The following FIBIN variants were observed in gnomAD, a reference collection of about 807,000 sequenced individuals.
FIBIN encodes fin bud initiation factor homolog, also known as fin bud initiation factor homolog (zebrafish).
In FIBIN, 8 loss-of-function variants were observed where a neutral mutation model predicts 13.0. That is an observed-to-expected ratio of 0.62 (90% CI 0.36 to 1.11). The LOEUF is 1.11. Among genes scored for constraint, FIBIN ranks in the 50% most tolerant of loss-of-function variants. The probability of loss-of-function intolerance (pLI) is 0.02; values close to 1 mark genes in which losing one functional copy is unlikely to be tolerated. For missense variants in FIBIN, 261 were observed against 260.2 expected (o/e 1.00, Z -0.02); for synonymous variants, 127 against 114.7 (o/e 1.11, Z -0.69).
chr11:26,994,807 C>T lies in FIBIN; in HGVS notation c.281C>T (p.Ala94Val), dbSNP rs746514366. Reference protein sequence around the residue: ...FTVLGRQVEDAGRVLEGISKS... With the variant: ...FTVLGRQVEDVGRVLEGISKS... Reference sequence around the variant, plus strand: ...GTGCTGGGCCGCCAGGTGGAGGATGCTGGGCGCGTGCTGGAGGGCATCAGC... The same window carrying T: ...GTGCTGGGCCGCCAGGTGGAGGATGTTGGGCGCGTGCTGGAGGGCATCAGC... The change falls in exon 1 of 1, where the codon GCT becomes GTT. Residue 94 changes from alanine (A) to valine (V), a missense_variant. Ala to Val is a moderately conservative substitution (Grantham distance 64). Transcript: ENST00000318627. The T allele has an allele frequency of 2.5e-6, 4 of 1,605,764 alleles. No homozygotes were observed. The East Asian group carries it at 6.7e-5, about 27-fold the overall frequency.
rs1850939575 is a variant in FIBIN, at chr11:26,997,054, A to G, written c.*1892A>G. ...CTGAAAAAATGAGGAAAAAATAACA[A>G]CAGTGGCAAATAAAATCATATTTGG... is the stretch of plus-strand genomic sequence containing the variant. On this transcript the variant is annotated 3_prime_UTR_variant, in exon 1 of 1. Transcript: ENST00000318627. 6.6e-6 allele frequency among the ~76,000 whole-genome samples: 1 copy of G among 152,192 alleles called. No homozygotes were observed. The highest frequency in any genetic ancestry group is 6.5e-5 in the Admixed American group (1 of 15,286).
At position 26,996,722 on chromosome 11, in the gene FIBIN, ACTGT is replaced by A. The variant is rs1218444472; in HGVS notation, c.*1563_*1566del. ...GAAAATAAGTTTTCCATTCCTATGA[ACTGT>A]CTAATATCTTTCTATTACAGAAGGG... On this transcript the variant is annotated 3_prime_UTR_variant, in exon 1 of 1. Coordinates refer to ENST00000318627, the MANE Select transcript of FIBIN (RefSeq NM_203371.2). Among the ~76,000 whole-genome samples the A allele has an allele frequency of 2.0e-5, 3 of 152,284 alleles. No individual in the cohort carries two copies. The highest frequency in any genetic ancestry group is 1.3e-4 in the Admixed American group (2 of 15,294).
rs775822865 is a variant in FIBIN at position 26,995,133 on chromosome 11, C to A, written c.607C>A (p.Arg203=). 6.2e-7 allele frequency: 1 copy of A among 1,604,310 alleles called. No individual in the cohort carries two copies. Among genetic ancestry groups the A allele is most frequent in the Admixed American group, 1.7e-5 (1 of 57,364 alleles). ...TIRSHGTRLG[R]LKNDYLKV ...TAGGAGCCATGGGACCCGACTAGGT[C>A]GGCTGAAAAATGATTATCTTAAAGT... Residue 203 remains arginine (R), a synonymous_variant, in exon 1 of 1, where the codon CGG becomes AGG. Coordinates refer to ENST00000318627, the MANE Select transcript of FIBIN (RefSeq NM_203371.2).
At position 26,995,083 on chromosome 11, in the gene FIBIN, A is replaced by G; in HGVS notation, c.557A>G (p.Lys186Arg). 6.2e-7 allele frequency: 1 copy of G among 1,614,066 alleles called. No individual in the cohort carries two copies. Among genetic ancestry groups the G allele is most frequent in the South Asian group, 1.1e-5 (1 of 91,076 alleles). The change falls in exon 1 of 1, where the codon AAA becomes AGA. Residue 186 changes from lysine (K) to arginine (R), a missense_variant. Coordinates refer to ENST00000318627, the MANE Select transcript of FIBIN (RefSeq NM_203371.2). The stretch of plus-strand genomic sequence containing the variant: ...GACATCTCTGTGGGGCTCAGGGACA[A>G]ATACGAGCTGCTGGCCCTCACCATT... Reference protein sequence around the residue: ...TLDISVGLRDKYELLALTIRS... With the variant: ...TLDISVGLRDRYELLALTIRS...
Position 26,994,802 on chromosome 11 carries a change from G to T in FIBIN, c.276G>T (p.Glu92Asp). The T allele has an allele frequency of 6.2e-7, 1 of 1,607,726 alleles. No individual in the cohort carries two copies. The highest frequency in any genetic ancestry group is 2.2e-5 in the East Asian group (1 of 44,762). ...EEFTVLGRQV[E>D]DAGRVLEGIS... Reference sequence around the variant, plus strand: ...TCACCGTGCTGGGCCGCCAGGTGGAGGATGCTGGGCGCGTGCTGGAGGGCA... The same window carrying T: ...TCACCGTGCTGGGCCGCCAGGTGGATGATGCTGGGCGCGTGCTGGAGGGCA... The change falls in exon 1 of 1, where the codon GAG becomes GAT. Residue 92 changes from glutamate (E) to aspartate (D), a missense_variant. Physicochemically the swap from Glu to Asp is conservative, Grantham distance 45 (BLOSUM62 2). Transcript: ENST00000318627.
rs1435631368 is a variant in FIBIN, at chr11:26,994,826, C to T, written c.300C>T (p.Gly100=). 9.4e-6 allele frequency: 15 copies of T among 1,599,092 alleles called. No individual in the cohort carries two copies. The highest frequency in any genetic ancestry group is 1.2e-5 in the Non-Finnish European group (14 of 1,171,420). ...AGGATGCTGGGCGCGTGCTGGAGGG[C>T]ATCAGCAAAAGCATCTCCTACGACC... ...QVEDAGRVLE[G]ISKSISYDLD... is the part of the protein sequence containing the mutation. Residue 100 remains glycine, a synonymous_variant, in exon 1 of 1, where the codon GGC becomes GGT. Coordinates refer to ENST00000318627, the MANE Select transcript of FIBIN (RefSeq NM_203371.2).
At position 26,996,073 on chromosome 11, in the gene FIBIN, C is replaced by T. The variant is rs1564937263; in HGVS notation, c.*911C>T. 6.0e-6 allele frequency: 1 copy of T among 166,830 alleles called. No individual in the cohort carries two copies. The highest frequency in any genetic ancestry group is 2.1e-4 in the South Asian group (1 of 4,828). 10.3% of individuals were successfully genotyped at this position (166,830 alleles called of 1,614,324 possible). A position where few individuals can be genotyped will look rare whatever the true frequency, so the allele number is the denominator to read the frequency against. ...GTAGGGGGAATCCTAATTCTAATAA[C>T]TCCTTAGCTAAGTTTTATTATTCAG... On this transcript the variant is annotated 3_prime_UTR_variant, in exon 1 of 1. Coordinates refer to ENST00000318627, the MANE Select transcript of FIBIN (RefSeq NM_203371.2).
In FIBIN at chr11:26,994,725, G is replaced by A. The variant is rs766304964; in HGVS notation, c.199G>A (p.Gly67Arg). 52 of 1,613,502 alleles carry A rather than the reference G, an allele frequency of 3.2e-5. No individual in the cohort carries two copies. The highest frequency in any genetic ancestry group is 4.2e-5 in the Non-Finnish European group (49 of 1,179,954). The change falls in exon 1 of 1, where the codon GGG (glycine) becomes AGG (arginine). Residue 67 changes from glycine to arginine, a missense_variant. Physicochemically the swap from Gly to Arg is moderately radical, Grantham distance 125. Transcript: ENST00000318627. ...RVSDHRRCSQ[G>R]EGSQVGSLLS... is the part of the protein sequence containing the mutation. ...GAGTGACCACAGGCGCTGCTCCCAG[G>A]GGGAGGGGAGCCAGGTTGGCAGCCT... is the stretch of plus-strand genomic sequence containing the variant.
Position 26,996,869 on chromosome 11 carries a change from TGAGAG to T in FIBIN, c.*1708_*1712del, listed in dbSNP as rs368520270. ...TAATTTTTTTAAGGATACTGAAAAA[TGAGAG>T]AGAGTGGTCGAATGCCTGAAATTTT... On this transcript the variant is annotated 3_prime_UTR_variant, in exon 1 of 1. Coordinates refer to ENST00000318627, the MANE Select transcript of FIBIN (RefSeq NM_203371.2). Among the ~76,000 whole-genome samples, 7 of 152,028 alleles carry T rather than the reference TGAGAG, an allele frequency of 4.6e-5. 1 individual carries two copies. Among genetic ancestry groups the T allele is most frequent in the African/African-American group, 1.7e-4 (7 of 41,386 alleles).
rs1189198998 is a variant in FIBIN at position 26,995,633 on chromosome 11, G to A, written c.*471G>A. On this transcript the variant is annotated 3_prime_UTR_variant, in exon 1 of 1. Transcript: ENST00000318627. ...TGCCTGTTTTTCAAATGAGGTTCAA[G>A]GTGCTGCTTTGCATGCCTGCCAACC... The A allele has an allele frequency of 6.0e-6, 1 of 168,046 alleles. No homozygotes were observed. The highest frequency in any genetic ancestry group is 2.4e-5 in the African/African-American group (1 of 41,476). The allele number at this position is 168,046 out of a possible 1,614,324, so 10.4% of individuals were successfully genotyped here.
chr11:26,996,150 T>C lies in FIBIN; in HGVS notation c.*988T>C, dbSNP rs1244615701. The C allele has an allele frequency of 6.0e-6, 1 of 166,916 alleles. No homozygotes were observed. The highest frequency in any genetic ancestry group is 1.5e-5 in the Non-Finnish European group (1 of 68,128). The allele number at this position is 166,916 out of a possible 1,614,324, so 10.3% of individuals were successfully genotyped here. On this transcript the variant is annotated 3_prime_UTR_variant, in exon 1 of 1. Transcript: ENST00000318627. Reference sequence around the variant, plus strand: ...TGGCTTACTTTGTAATTTACATCTGTAACTTTCATATTTCTAAAAGGGGCC... The same window carrying C: ...TGGCTTACTTTGTAATTTACATCTGCAACTTTCATATTTCTAAAAGGGGCC...
Position 26,995,085 on chromosome 11 carries a change from T to C in FIBIN, c.559T>C (p.Tyr187His), listed in dbSNP as rs1485611409. ...LDISVGLRDK[Y>H]ELLALTIRSH... ...CATCTCTGTGGGGCTCAGGGACAAATACGAGCTGCTGGCCCTCACCATTAG... is the reference window on the plus strand; with the variant it reads ...CATCTCTGTGGGGCTCAGGGACAAACACGAGCTGCTGGCCCTCACCATTAG... The change falls in exon 1 of 1, where the codon TAC (tyrosine) becomes CAC (histidine). Residue 187 changes from tyrosine to histidine, a missense_variant. Tyr to His is a moderately conservative substitution (Grantham distance 83). Transcript: ENST00000318627. 3 of 1,613,920 alleles carry C rather than the reference T, an allele frequency of 1.9e-6. No homozygotes were observed. The highest frequency in any genetic ancestry group is 3.3e-5 in the Admixed American group (2 of 60,000).
At position 26,996,839 on chromosome 11, in the gene FIBIN, C is replaced by T. The variant is rs79234184; in HGVS notation, c.*1677C>T. 0.015 allele frequency among the ~76,000 whole-genome samples: 2,315 copies of T among 152,118 alleles called. 67 individuals are homozygous for T. The highest frequency in any genetic ancestry group is 0.054 in the African/African-American group (2,222 of 41,492). Reference sequence around the variant, plus strand: ...TCTTAAATTTAAACACGGGACTTCCCGAACTAATTTTTTTAAGGATACTGA... The same window carrying T: ...TCTTAAATTTAAACACGGGACTTCCTGAACTAATTTTTTTAAGGATACTGA... On this transcript the variant is annotated 3_prime_UTR_variant, in exon 1 of 1. Transcript: ENST00000318627.
Position 26,996,804 on chromosome 11 carries a change from C to T in FIBIN, c.*1642C>T, listed in dbSNP as rs551014720. Among the ~76,000 whole-genome samples the T allele has an allele frequency of 3.9e-5, 6 of 152,246 alleles. No homozygotes were observed. The highest frequency in any genetic ancestry group is 1.4e-4 in the African/African-American group (6 of 41,550). On this transcript the variant is annotated 3_prime_UTR_variant, in exon 1 of 1. Transcript: ENST00000318627. ...ACTTATCCTCCATCAGTTATAACAGCCCCTGGTCTTCTTAAATTTAAACAC... is the reference window on the plus strand; with the variant it reads ...ACTTATCCTCCATCAGTTATAACAGTCCCTGGTCTTCTTAAATTTAAACAC...
rs1850929049 is a variant in FIBIN, at chr11:26,996,471, A to C, written c.*1309A>C. The stretch of plus-strand genomic sequence containing the variant: ...CATTCCATCCTAAGTTATAAACTAC[A>C]GTGATGTTTAATTTTGAAGCCAGGT... On this transcript the variant is annotated 3_prime_UTR_variant, in exon 1 of 1. Coordinates refer to ENST00000318627, the MANE Select transcript of FIBIN (RefSeq NM_203371.2). Among the ~76,000 whole-genome samples the C allele has an allele frequency of 6.6e-6, 1 of 152,170 alleles. No homozygotes were observed. The highest frequency in any genetic ancestry group is 1.5e-5 in the Non-Finnish European group (1 of 68,024).
Position 26,994,673 on chromosome 11 carries a change from C to G in FIBIN, c.147C>G (p.Pro49=). The change falls in exon 1 of 1, where the codon CCC becomes CCG. Residue 49 remains proline (P), a synonymous_variant. Coordinates refer to ENST00000318627, the MANE Select transcript of FIBIN (RefSeq NM_203371.2). ...GGGACTATGAGGAGAACGATGACCC[C>G]GAGAAGTGCCAGCTGCTCTTCAGGG... ...PDGDYEENDD[P]EKCQLLFRVS... The G allele has an allele frequency of 6.2e-7, 1 of 1,613,850 alleles. No individual in the cohort carries two copies. Among genetic ancestry groups the G allele is most frequent in the Non-Finnish European group, 8.5e-7 (1 of 1,179,986 alleles).
Position 26,996,612 on chromosome 11 carries a change from TAC to T in FIBIN, c.*1467_*1468del, listed in dbSNP as rs375562424. Among the ~76,000 whole-genome samples the T allele has an allele frequency of 1.7e-4, 26 of 150,376 alleles. No individual in the cohort carries two copies. The highest frequency in any genetic ancestry group is 3.9e-4 in the African/African-American group (16 of 41,172). ...CTTTCTTGTTGCATATATGCACAGA[TAC>T]ACACACACACACACACGAAAATAAA... On this transcript the variant is annotated 3_prime_UTR_variant, in exon 1 of 1. Transcript: ENST00000318627.
chr11:26,994,496 C>T lies in FIBIN; in HGVS notation c.-31C>T, dbSNP rs1850900678. ...TTGTGCCTGGGTAAAAAGTCTCCTC[C>T]TGGGGTCCCTGGCCATCCTGAATAT... On this transcript the variant is annotated 5_prime_UTR_variant, in exon 1 of 1. Transcript: ENST00000318627. The T allele has an allele frequency of 1.9e-6, 3 of 1,563,660 alleles. No individual in the cohort carries two copies. The highest frequency in any genetic ancestry group is 2.6e-6 in the Non-Finnish European group (3 of 1,152,470).
rs1350986749 is a variant in FIBIN at position 26,996,390 on chromosome 11, T to C, written c.*1228T>C. Among the ~76,000 whole-genome samples, 1 of 152,190 alleles carries C rather than the reference T, an allele frequency of 6.6e-6. No homozygotes were observed. Among genetic ancestry groups the C allele is most frequent in the African/African-American group, 2.4e-5 (1 of 41,458 alleles). Reference sequence around the variant, plus strand: ...AATTTTCTCCAGTTTCTCTCATAAATTCAATTGCAAAAGTTTCTGACAAGG... The same window carrying C: ...AATTTTCTCCAGTTTCTCTCATAAACTCAATTGCAAAAGTTTCTGACAAGG... On this transcript the variant is annotated 3_prime_UTR_variant, in exon 1 of 1. Transcript: ENST00000318627.
Sources: allele counts gnomAD v4.1 joint callset (sites outside exome capture counted in the v4.1 genomes callset), GRCh38; gene constraint gnomAD v4.1.1; transcripts MANE v1.5; gene names NCBI Gene and HGNC (gene_info 2026-07-23, HGNC 2026-07-21).